Variants in RARB observed in about 807,000 individuals in gnomAD.
The protein encoded by RARB is retinoic acid receptor beta, also known as HBV-activated protein.
Under a neutral mutation model 51.9 loss-of-function variants are expected in RARB, and 17 were observed. The observed-to-expected ratio is 0.33, with a 90% CI of 0.22 to 0.49. The LOEUF (loss-of-function observed/expected upper bound fraction) is 0.49, where lower values mean the gene tolerates loss of function less well. Ranked by LOEUF, RARB falls within the 20% of genes least tolerant of loss-of-function variation. The probability of loss-of-function intolerance (pLI) is 0.99; values close to 1 mark genes in which losing one functional copy is unlikely to be tolerated. For synonymous variants in RARB, 215 were observed against 195.4 expected, an observed-to-expected ratio of 1.10 and a Z score of -0.84; for missense variants, 369 against 550.8, an observed-to-expected ratio of 0.67 and a Z score of 3.30.
intron 1 of RARB, among the ~76,000 whole-genome samples, chr3:24,837,138 A>C (rs1702355675): frequency 6.6e-6 from 1 of 152,218 alleles, no homozygotes; most frequent in Non-Finnish European, 1.5e-5. Context: ...TGTTGAATGG[A>C]TGAATGACTT....
At chr3:25,187,607 C>CT (rs1701008130) in intron 5 of RARB, among the ~76,000 whole-genome samples, 1 of 151,668 alleles carries the variant, frequency 6.6e-6, no homozygotes, top group Non-Finnish European at 1.5e-5. Flanking sequence ...TAATCTTTGT[C>CT]TTAAAAGTAA....
At chr3:25,258,704 G>A (rs1032294709) in intron 5 of RARB, among the ~76,000 whole-genome samples, 1 of 152,134 alleles carries the variant, frequency 6.6e-6, no homozygotes, top group Non-Finnish European at 1.5e-5. Context: ...AGTCTAAGAT[G>A]AGCAGCTGCA....
chr3:25,463,073 A>T (rs80108542), intron 2 of RARB, among the ~76,000 whole-genome samples: 1 of 152,090 alleles, frequency 6.6e-6, no homozygotes, highest in Non-Finnish European at 1.5e-5. Flanking sequence ...GGTCTCACGT[A>T]TGTTGCCCAG....
intron 2 of RARB, among the ~76,000 whole-genome samples, chr3:24,879,535 A>G (rs189254618): frequency 9.1e-4 from 124 of 136,796 alleles, no homozygotes; most frequent in African/African-American, 2.9e-3. Flanking sequence ...ATCAAGAATC[A>G]CTTTAAAGCT....
intron 2 of RARB, among the ~76,000 whole-genome samples, chr3:24,943,071 G>A (rs952751468): frequency 6.6e-6 from 1 of 152,180 alleles, no homozygotes; most frequent in Non-Finnish European, 1.5e-5. Context: ...CTGTGGCATA[G>A]TCCATGAACT....
At chr3:24,930,872 G>C (rs1048635093) in intron 2 of RARB, among the ~76,000 whole-genome samples, 4 of 152,058 alleles carry the variant, frequency 2.6e-5, no homozygotes, top group East Asian at 3.9e-4. Context: ...AAATAGCCAG[G>C]TGTGGTGGTG....
intron 5 of RARB, among the ~76,000 whole-genome samples, chr3:25,339,106 T>C (rs959348956): frequency 2.6e-5 from 4 of 152,220 alleles, no homozygotes; most frequent in Non-Finnish European, 5.9e-5. Context: ...GGAAGTCACA[T>C]AATCTGAAAA....
chr3:24,937,720 T>C (rs965539782), intron 2 of RARB, among the ~76,000 whole-genome samples: 1 of 152,084 alleles, frequency 6.6e-6, no homozygotes, highest in Admixed American at 6.6e-5. Context: ...GGGGCATCCT[T>C]ATGCAGCAGA....
chr3:24,841,228 G>GAA (rs1294677239), intron 1 of RARB, among the ~76,000 whole-genome samples: 1 of 152,156 alleles, frequency 6.6e-6, no homozygotes, highest in Non-Finnish European at 1.5e-5. Context: ...CACCTAAGGT[G>GAA]TTATCTCTAA....
chr3:25,494,251 A>ACACACACACGCACGCGCGCGCGCGCGCG (rs1443411582), intron 2 of RARB, among the ~76,000 whole-genome samples: 1 of 77,106 alleles, frequency 1.3e-5, no homozygotes, highest in Non-Finnish European at 2.3e-5. Flanking sequence ...GCTGTATCTT[A>ACACACACACGCACGCGCGCGCGCGCGCG]CGCACACACA....
intron 1 of RARB, among the ~76,000 whole-genome samples, chr3:25,450,030 C>G (rs943570869): frequency 1.3e-5 from 2 of 152,224 alleles, no homozygotes; most frequent in African/African-American, 4.8e-5. Context: ...GGATTACAGG[C>G]TTAAGCCACT....
intron 4 of RARB, among the ~76,000 whole-genome samples, chr3:25,157,413 T>G (rs186334917): frequency 1.1e-4 from 16 of 150,058 alleles, no homozygotes; most frequent in Middle Eastern, 3.4e-3. Flanking sequence ...GTTGTTTTTG[T>G]TTTTTTTTGA....
intron 5 of RARB, among the ~76,000 whole-genome samples, chr3:25,179,032 T>C (rs983935447): frequency 6.6e-6 from 1 of 152,216 alleles, no homozygotes; most frequent in Non-Finnish European, 1.5e-5. Flanking sequence ...AAAATGCGAA[T>C]TCTTTTCCCC....
intron 5 of RARB, among the ~76,000 whole-genome samples, chr3:25,191,260 G>A (rs1442691838): frequency 6.6e-6 from 1 of 152,112 alleles, no homozygotes; most frequent in African/African-American, 2.4e-5. Context: ...GACATTGCTT[G>A]TGGGACAATA....
intron 2 of RARB, among the ~76,000 whole-genome samples, chr3:24,990,832 G>A (rs1180190303): frequency 2.0e-5 from 3 of 152,104 alleles, no homozygotes; most frequent in Admixed American, 2.0e-4. Context: ...TGGGATTTTG[G>A]TTTGGAACTG....
intron 2 of RARB, among the ~76,000 whole-genome samples, chr3:24,976,731 G>A (rs578073611): frequency 6.6e-6 from 1 of 152,306 alleles, no homozygotes; most frequent in East Asian, 1.9e-4. Context: ...CCTGATGGTA[G>A]TTTATTTTGC....
chr3:25,351,886 G>A (rs1262873890), intron 5 of RARB, among the ~76,000 whole-genome samples: 1 of 152,150 alleles, frequency 6.6e-6, no homozygotes, highest in Non-Finnish European at 1.5e-5. Flanking sequence ...TTCTGATTAT[G>A]CTAACCTTAA....
chr3:25,172,325 T>G (rs1575194724), intron 4 of RARB, among the ~76,000 whole-genome samples: 2 of 152,150 alleles, frequency 1.3e-5, no homozygotes, highest in Admixed American at 1.3e-4. Flanking sequence ...AGAAGGTGAT[T>G]CAAATTCTGG....
intron 2 of RARB, among the ~76,000 whole-genome samples, chr3:24,865,326 A>G (rs1292229774): frequency 6.6e-6 from 1 of 152,170 alleles, no homozygotes; most frequent in Non-Finnish European, 1.5e-5. Context: ...TGAAAAAAAT[A>G]TACATGTAAA....
Sources: allele counts gnomAD v4.1 joint callset (sites outside exome capture counted in the v4.1 genomes callset), GRCh38; gene constraint gnomAD v4.1.1; transcripts MANE v1.5; gene names NCBI Gene and HGNC (gene_info 2026-07-23, HGNC 2026-07-21).